Variants in TMEM117 observed in about 807,000 individuals in gnomAD.
TMEM117 encodes the protein transmembrane protein 117.
In TMEM117, 27 loss-of-function variants were observed where a neutral mutation model predicts 52.4. The ratio of observed to expected loss-of-function variants is 0.51; its 90% CI spans 0.38 to 0.71. The LOEUF (loss-of-function observed/expected upper bound fraction) is 0.71. Among genes scored for constraint, TMEM117 ranks in the 30% least tolerant of loss-of-function variants. The pLI, the probability that TMEM117 is intolerant of heterozygous loss-of-function variation, is 0.00. For missense variants in TMEM117, 556 were observed against 630.5 expected, an observed-to-expected ratio of 0.88 and a Z score of 1.26; for synonymous variants, 215 against 206.3, an observed-to-expected ratio of 1.04 and a Z score of -0.36.
chr12:43,966,218 A>G (rs958403413), intron 3 of TMEM117, among the ~76,000 whole-genome samples: 2 of 152,186 alleles, frequency 1.3e-5, no homozygotes, highest in Non-Finnish European at 2.9e-5. Flanking sequence ...CACTCTTTCA[A>G]TCTGTTTTCT....
At chr12:43,813,389 G>A in the TMEM117 span, among the ~76,000 whole-genome samples, 1,386 of 151,250 alleles carry the variant, frequency 9.2e-3, 26 homozygotes, top group African/African-American at 0.03. Context: ...GATTACAGGC[G>A]CCTGCCACCA....
chr12:43,859,533 A>C (rs1943453822), intron 2 of TMEM117, among the ~76,000 whole-genome samples: 1 of 152,162 alleles, frequency 6.6e-6, no homozygotes, highest in Admixed American at 6.5e-5. Flanking sequence ...ATATGAAGTC[A>C]AAGAAGAAAA....
chr12:43,954,745 C>T (rs766475824), intron 3 of TMEM117, among the ~76,000 whole-genome samples: 1 of 152,150 alleles, frequency 6.6e-6, no homozygotes, highest in Non-Finnish European at 1.5e-5. Context: ...CTATTCCAAA[C>T]AATTGAAAAG....
chr12:43,917,243 A>G (rs1944620792), intron 2 of TMEM117, among the ~76,000 whole-genome samples: 1 of 151,754 alleles, frequency 6.6e-6, no homozygotes, highest in East Asian at 1.9e-4. Flanking sequence ...AAAAAAAAAA[A>G]AAAAAAAAAA....
rs897191750 is a variant in TMEM117 at position 43,971,468 on chromosome 12, T to G, written c.410+27126T>G. On this transcript the variant is annotated intron_variant, in intron 3 of 7. Coordinates refer to ENST00000266534, the MANE Select transcript of TMEM117 (RefSeq NM_032256.3). ...TCCATCCAAAGTGAACTTCTTTTAG[T>G]TCTATGAAGAGGACTTTCTTTTTCA... Among the ~76,000 whole-genome samples the G allele has an allele frequency of 7.2e-5, 11 of 152,340 alleles. No homozygotes were observed. The South Asian group carries it at 2.3e-3, about 32-fold the overall frequency.
chr12:44,282,040 A>G (rs1387200550), intron 5 of TMEM117, among the ~76,000 whole-genome samples: 1 of 152,134 alleles, frequency 6.6e-6, no homozygotes, highest in East Asian at 1.9e-4. Flanking sequence ...TGCTATTCTC[A>G]TCACAGTGAA....
At chr12:43,822,357 AT>A in the TMEM117 span, among the ~76,000 whole-genome samples, 1 of 152,208 alleles carries the variant, frequency 6.6e-6, no homozygotes, top group African/African-American at 2.4e-5. Flanking sequence ...AATTCGTATC[AT>A]TTATTACACT....
intron 6 of TMEM117, among the ~76,000 whole-genome samples, chr12:44,353,113 C>G (rs139329527): frequency 2.2e-3 from 330 of 152,292 alleles, no homozygotes; most frequent in Non-Finnish European, 4.2e-3. Context: ...GGTGTCTGTT[C>G]ATATCCTTTG....
At chr12:44,364,859 T>C (rs1303578740) in intron 6 of TMEM117, among the ~76,000 whole-genome samples, 1 of 152,120 alleles carries the variant, frequency 6.6e-6, no homozygotes, top group East Asian at 1.9e-4. Flanking sequence ...AGTACAAATC[T>C]TAACCATCAC....
Position 43,916,637 on chromosome 12 carries a change from A to T in TMEM117, c.278-27573A>T, listed in dbSNP as rs181635514. 3.0e-3 allele frequency among the ~76,000 whole-genome samples: 461 copies of T among 152,314 alleles called. 3 individuals are homozygous for T. The highest frequency in any genetic ancestry group is 0.01 in the African/African-American group (431 of 41,584). ...AACGTCTTAGTCCATAGATCTTTGA[A>T]CATTGTCAGAAGGAGAAACACAATG... On this transcript the variant is annotated intron_variant, in intron 2 of 7. Transcript: ENST00000266534.
At chr12:44,048,790 T>C (rs1946920210) in intron 3 of TMEM117, among the ~76,000 whole-genome samples, 1 of 152,146 alleles carries the variant, frequency 6.6e-6, no homozygotes, top group East Asian at 1.9e-4. Context: ...TATATGTGAG[T>C]ATTCAGAACA....
intron 2 of TMEM117, among the ~76,000 whole-genome samples, chr12:43,907,429 A>C (rs1372393312): frequency 0.013 from 2,025 of 151,270 alleles, 34 homozygotes; most frequent in African/African-American, 0.047. Context: ...AACTCTAAAA[A>C]GCGGAGCGCC....
chr12:43,950,548 CAAA>C (rs59755502), intron 3 of TMEM117, among the ~76,000 whole-genome samples: 2 of 150,302 alleles, frequency 1.3e-5, no homozygotes, highest in South Asian at 2.1e-4. Context: ...TTTTTTTTCT[CAAA>C]AAAAAAAAGT....
chr12:43,936,435 C>T (rs1944952951), intron 2 of TMEM117, among the ~76,000 whole-genome samples: 1 of 152,060 alleles, frequency 6.6e-6, no homozygotes, highest in South Asian at 2.1e-4. Flanking sequence ...ATATCTAAGA[C>T]TATAGTGGGC....
At chr12:43,845,294 C>G (rs1337713662) in intron 2 of TMEM117, among the ~76,000 whole-genome samples, 1 of 151,708 alleles carries the variant, frequency 6.6e-6, no homozygotes, top group African/African-American at 2.4e-5. Flanking sequence ...AACCTCATCT[C>G]TACTAAAAAT....
At chr12:44,084,841 C>T (rs961431656) in intron 3 of TMEM117, among the ~76,000 whole-genome samples, 1 of 152,156 alleles carries the variant, frequency 6.6e-6, no homozygotes, top group Non-Finnish European at 1.5e-5. Context: ...ACCATCAGAC[C>T]AGTGCTCCCC....
At chr12:44,383,067 T>A (rs1465659693) in intron 7 of TMEM117, among the ~76,000 whole-genome samples, 1 of 152,132 alleles carries the variant, frequency 6.6e-6, no homozygotes, top group African/African-American at 2.4e-5. Flanking sequence ...TGCTGTCCCA[T>A]GATGGTTGCT....
chr12:43,896,117 A>G (rs889130311), intron 2 of TMEM117, among the ~76,000 whole-genome samples: 4 of 152,212 alleles, frequency 2.6e-5, no homozygotes, highest in Non-Finnish European at 5.9e-5. Context: ...GCATCCTTCA[A>G]TCCAACCAAG....
chr12:44,124,953 CA>C (rs759853294), intron 3 of TMEM117, among the ~76,000 whole-genome samples: 1 of 152,130 alleles, frequency 6.6e-6, no homozygotes, highest in Non-Finnish European at 1.5e-5. Flanking sequence ...CCCTCCTTTT[CA>C]AATTTTTGGG....
Sources: allele counts gnomAD v4.1 joint callset (sites outside exome capture counted in the v4.1 genomes callset), GRCh38; gene constraint gnomAD v4.1.1; transcripts MANE v1.5; gene names NCBI Gene and HGNC (gene_info 2026-07-23, HGNC 2026-07-21).